The following PADI2 variants were observed in gnomAD, a reference collection of about 807,000 sequenced individuals.
PADI2 encodes the protein peptidyl arginine deiminase 2.
A neutral mutation model predicts 81.1 loss-of-function variants in PADI2; 70 were observed. The ratio of observed to expected loss-of-function variants is 0.86; its 90% CI spans 0.71 to 1.05. PADI2 has a LOEUF of 1.05. PADI2 is among the 50% of genes least tolerant of loss of function. PADI2 has a pLI of 0.00. For missense variants in PADI2, 853 were observed against 889.9 expected (o/e 0.96, Z 0.53); for synonymous variants, 338 against 358.0 (o/e 0.94, Z 0.63).
chr1:17,085,569 C>T (rs922944087), intron 7 of PADI2, among the ~76,000 whole-genome samples: 2 of 152,154 alleles, frequency 1.3e-5, no homozygotes, highest in Admixed American at 6.5e-5. Flanking sequence ...CACAACCACC[C>T]CCGGCAGCAG....
Position 17,084,677 on chromosome 1 carries a change from G to A in PADI2, c.860C>T (p.Thr287Met), listed in dbSNP as rs147849202. The change falls in exon 8 of 16, where the codon ACG becomes ATG. Residue 287 changes from threonine to methionine, a missense_variant. Thr to Met is a moderately conservative substitution (Grantham distance 81). Coordinates refer to ENST00000375486, the MANE Select transcript of PADI2 (RefSeq NM_007365.3). ...AGCAATCCGGAATATCACGGTGTCC[G>A]TGAAGATGGGAGTCAGGGGAATGTC... The part of the protein sequence containing the change: ...AQDIPLTPIF[T>M]DTVIFRIAPW... 26 of 1,561,446 alleles carry A rather than the reference G, an allele frequency of 1.7e-5. No individual in the cohort carries two copies. The highest frequency in any genetic ancestry group is 5.4e-5 in the African/African-American group (4 of 73,490).
Position 17,068,930 on chromosome 1 carries a change from T to TCCCAAAGGTCTC in PADI2, c.*102_*113dup. On this transcript the variant is annotated 3_prime_UTR_variant, in exon 16 of 16. Coordinates refer to ENST00000375486, the MANE Select transcript of PADI2 (RefSeq NM_007365.3). ...CAGATACCCCAAATTCCACCCCACG[T>TCCCAAAGGTCTC]CCCAAAGGTCTCCCAGCGGGGCTGT... 5 of 819,498 alleles carry TCCCAAAGGTCTC rather than the reference T, an allele frequency of 6.1e-6. No homozygotes were observed. The highest frequency in any genetic ancestry group is 3.9e-5 in the Admixed American group (2 of 51,498). 50.8% of individuals were successfully genotyped at this position (819,498 alleles called of 1,614,324 possible).
At chr1:17,083,601 A>G in intron 9 of PADI2, 125 bp downstream of exon 9, 1 of 683,048 alleles carries the variant, frequency 1.5e-6, no homozygotes, top group Non-Finnish European at 2.7e-6. Context: ...ACATGTGCAG[A>G]TATGAGCTGA....
chr1:17,108,977 C>T (rs1411095875), intron 1 of PADI2, among the ~76,000 whole-genome samples: 1 of 152,162 alleles, frequency 6.6e-6, no homozygotes, highest in African/African-American at 2.4e-5. Flanking sequence ...GGGACTTTCC[C>T]TCTCTCAGTT....
chr1:17,093,161 T>C (rs1930766835), intron 5 of PADI2, among the ~76,000 whole-genome samples: 1 of 151,754 alleles, frequency 6.6e-6, no homozygotes, highest in African/African-American at 2.4e-5. Context: ...AGTGGCATGA[T>C]CTTGGCTCAC....
chr1:17,111,905 G>A (rs989342904), intron 1 of PADI2, among the ~76,000 whole-genome samples: 2 of 152,308 alleles, frequency 1.3e-5, no homozygotes, highest in East Asian at 1.9e-4. Context: ...AAAGAGGGGA[G>A]TGTGTCTGGA....
chr1:17,105,362 C>T (rs1009410731), intron 1 of PADI2, among the ~76,000 whole-genome samples: 4 of 152,010 alleles, frequency 2.6e-5, no homozygotes, highest in Non-Finnish European at 5.9e-5. Context: ...TGCACTCCAG[C>T]CTGAGCAACA....
chr1:17,098,938 G>T (rs958421036), intron 3 of PADI2, among the ~76,000 whole-genome samples: 9 of 152,250 alleles, frequency 5.9e-5, no homozygotes, highest in Non-Finnish European at 1.3e-4. Context: ...CGAGGGGGAG[G>T]AGGGAGAGGA....
chr1:17,096,007 C>A, intron 3 of PADI2, 37 bp from the exon 4 acceptor site: 1 of 1,553,692 alleles, frequency 6.4e-7, no homozygotes, highest in Non-Finnish European at 8.8e-7. Context: ...GCTGAGCCTG[C>A]CAGGCAGGGC....
chr1:17,096,539 T>C (rs1043038798), intron 3 of PADI2, among the ~76,000 whole-genome samples: 1 of 152,182 alleles, frequency 6.6e-6, no homozygotes, highest in African/African-American at 2.4e-5. Context: ...GGTTTTACTG[T>C]GGGTGGGAAG....
chr1:17,098,355 C>T (rs879703249), intron 3 of PADI2, among the ~76,000 whole-genome samples: 18 of 152,170 alleles, frequency 1.2e-4, no homozygotes, highest in Admixed American at 2.6e-4. Context: ...TGTGGCGAGT[C>T]CATTAAAGCA....
In PADI2 at chr1:17,076,233, G is replaced by A. The variant is rs555414073; in HGVS notation, c.1311-410C>T. ...TACTTTAATCTTTTTTTTTTCCCCCGAGATGGAGTCTTGCTATGTTGCCCA... is the reference window on the plus strand; with the variant it reads ...TACTTTAATCTTTTTTTTTTCCCCCAAGATGGAGTCTTGCTATGTTGCCCA... On this transcript the variant is annotated intron_variant, in intron 11 of 15. Transcript: ENST00000375486. 1.3e-3 allele frequency among the ~76,000 whole-genome samples: 191 copies of A among 151,292 alleles called. 2 individuals are homozygous for A. Among genetic ancestry groups the A allele is most frequent in the African/African-American group, 4.5e-3 (187 of 41,220 alleles).
chr1:17,104,849 C>T (rs775587463), intron 2 of PADI2, 29 bp downstream of exon 2: 13 of 1,535,440 alleles, frequency 8.5e-6, no homozygotes, highest in African/African-American at 5.4e-5. Flanking sequence ...GTCCCGGGCC[C>T]GCAGAGGCTG....
chr1:17,087,832 G>A (rs1305756837), intron 6 of PADI2, among the ~76,000 whole-genome samples: 1 of 152,172 alleles, frequency 6.6e-6, no homozygotes. Flanking sequence ...AAATGTGGGT[G>A]ACCTGTGCGA....
At chr1:17,076,346 C>G (rs1459050324) in intron 11 of PADI2, among the ~76,000 whole-genome samples, 1 of 152,078 alleles carries the variant, frequency 6.6e-6, no homozygotes. Context: ...TCCTGAGTAG[C>G]TGGGACTACA....
chr1:17,078,413 A>AT (rs898437559), intron 11 of PADI2, among the ~76,000 whole-genome samples: 10 of 144,726 alleles, frequency 6.9e-5, no homozygotes, highest in East Asian at 2.1e-4. Flanking sequence ...ACCAGGCCTG[A>AT]TTTTTTTTGC....
At chr1:17,083,671 T>C (rs1262001157) in intron 9 of PADI2, 55 bp downstream of exon 9, 11 of 1,104,940 alleles carry the variant, frequency 1.0e-5, no homozygotes, top group Non-Finnish European at 1.5e-5. Context: ...AAGCCAACTC[T>C]TCTTTGCTTG....
intron 10 of PADI2, among the ~76,000 whole-genome samples, chr1:17,081,146 A>G (rs180814245): frequency 6.6e-6 from 1 of 152,224 alleles, no homozygotes; most frequent in Non-Finnish European, 1.5e-5. Flanking sequence ...GCCTGTGGCA[A>G]CTGGTGCTGG....
chr1:17,090,161 C>T (rs1930633185), intron 6 of PADI2, among the ~76,000 whole-genome samples: 3 of 152,238 alleles, frequency 2.0e-5, no homozygotes, highest in Non-Finnish European at 2.9e-5. Flanking sequence ...AACTAACAGT[C>T]ATCATCATAA....
Sources: allele counts gnomAD v4.1 joint callset (sites outside exome capture counted in the v4.1 genomes callset), GRCh38; gene constraint gnomAD v4.1.1; transcripts MANE v1.5; gene names NCBI Gene and HGNC (gene_info 2026-07-23, HGNC 2026-07-21).